Variants in AGAP3 observed in about 807,000 individuals in gnomAD.
AGAP3 encodes arf-GAP with GTPase, ANK repeat and PH domain-containing protein 3.
Under a neutral mutation model 96.9 loss-of-function variants are expected in AGAP3, and 24 were observed. The observed-to-expected ratio is 0.25, with a 90% confidence interval of 0.18 to 0.35. The LOEUF is 0.35. Ranked by LOEUF, AGAP3 falls within the 10% of genes least tolerant of loss-of-function variation. The probability of loss-of-function intolerance (pLI) is 1.00; values close to 1 mark genes in which losing one functional copy is unlikely to be tolerated. For missense variants in AGAP3, 876 were observed against 1,254.2 expected (o/e 0.70, Z 4.55); for synonymous variants, 563 against 536.1 (o/e 1.05, Z -0.69).
chr7:151,113,948 G>C (rs546233700), intron 1 of AGAP3, among the ~76,000 whole-genome samples: 1 of 152,286 alleles, frequency 6.6e-6, no homozygotes, highest in Non-Finnish European at 1.5e-5. Flanking sequence ...CCATCATCCC[G>C]ACAGGAGGTG....
chr7:151,125,854 G>A (rs1199080147), intron 9 of AGAP3, among the ~76,000 whole-genome samples: 1 of 152,348 alleles, frequency 6.6e-6, no homozygotes, highest in East Asian at 1.9e-4. Context: ...GGGAGGCGGC[G>A]GCGGGAACGG....
chr7:151,097,614 G>A (rs1013862901), intron 1 of AGAP3, among the ~76,000 whole-genome samples: 21 of 151,912 alleles, frequency 1.4e-4, no homozygotes, highest in African/African-American at 1.9e-4. Context: ...CTGTGCTTCC[G>A]GGGAGGCCTC....
At chr7:151,099,829 GT>G (rs1798766597) in intron 1 of AGAP3, among the ~76,000 whole-genome samples, 1 of 152,168 alleles carries the variant, frequency 6.6e-6, no homozygotes, top group African/African-American at 2.4e-5. Flanking sequence ...TTGTTTGTTT[GT>G]TTGTGTTTGT....
intron 10 of AGAP3, among the ~76,000 whole-genome samples, chr7:151,129,308 T>C (rs1031449050): frequency 1.3e-5 from 2 of 152,006 alleles, no homozygotes; most frequent in Admixed American, 1.3e-4. Flanking sequence ...AGTTCTCCTG[T>C]GAAGCCCCTC....
At position 151,138,193 on chromosome 7, in the gene AGAP3, A is replaced by G. The variant is rs745314569; in HGVS notation, c.1546A>G (p.Ser516Gly). 1.2e-6 allele frequency: 2 copies of G among 1,609,936 alleles called. No homozygotes were observed. Among genetic ancestry groups the G allele is most frequent in the Non-Finnish European group, 1.7e-6 (2 of 1,178,832 alleles). The change falls in exon 12 of 18, where the codon AGC becomes GGC. Residue 516 changes from serine to glycine, a missense_variant. Around this residue, in one of 8 missense-constraint regions of AGAP3, gnomAD observed 155 missense variants for 144.4 expected, o/e 1.07. Transcript: ENST00000397238. ...SASLHSERPL[S>G]SSAWAGPRPE... The stretch of plus-strand genomic sequence containing the variant: ...ATCCCTGCACTCTGAGCGCCCCCTC[A>G]GCAGCTCGGCCTGGGCTGGCCCGCG...
chr7:151,106,489 T>C (rs1227779725), intron 1 of AGAP3, among the ~76,000 whole-genome samples: 2 of 151,992 alleles, frequency 1.3e-5, no homozygotes, highest in Non-Finnish European at 2.9e-5. Flanking sequence ...GGTGCTTTTT[T>C]TTGTTTTTAA....
At chr7:151,127,809 G>T (rs1189472660) in intron 9 of AGAP3, among the ~76,000 whole-genome samples, 2 of 152,188 alleles carry the variant, frequency 1.3e-5, no homozygotes, top group Non-Finnish European at 2.9e-5. Context: ...TCCTAGTGGG[G>T]TCTACCTCCT....
Position 151,141,648 on chromosome 7 carries a change from T to C in AGAP3, c.1805-250T>C. The C allele has an allele frequency of 1.9e-6, 1 of 522,026 alleles. No homozygotes were observed. Among genetic ancestry groups the C allele is most frequent in the East Asian group, 3.3e-5 (1 of 30,116 alleles). The allele number at this position is 522,026 out of a possible 1,614,324, so 32.3% of individuals were successfully genotyped here. On this transcript the variant is annotated intron_variant, in intron 13 of 17. Coordinates refer to ENST00000397238, the MANE Select transcript of AGAP3 (RefSeq NM_031946.7). The surrounding 1 kb of genome is among the most constrained non-coding windows in gnomAD (Gnocchi z 4.2). The stretch of plus-strand genomic sequence containing the variant: ...GTGCCAGGGGTGCCAAGATCTTGCA[T>C]CCCCCATCTGTTTTCACTTAAGCTC...
chr7:151,108,315 C>T lies in AGAP3; in HGVS notation c.332-8478C>T, dbSNP rs115360402. 8.0e-3 allele frequency among the ~76,000 whole-genome samples: 1,224 copies of T among 152,294 alleles called. 15 individuals carry two copies. The highest frequency in any genetic ancestry group is 0.028 in the African/African-American group (1,147 of 41,574). ...TAGTACTACAATACCGCCATGTCAC[C>T]GGCCTGGTGTCGAAAGGCCATTTTC... On this transcript the variant is annotated intron_variant, in intron 1 of 17. Transcript: ENST00000397238. This position sits in a 1 kb window ranked among gnomAD's most constrained non-coding sequence, Gnocchi z 4.2.
intron 1 of AGAP3, chr7:151,115,633 C>T (rs1321900161): frequency 5.0e-5 from 58 of 1,168,438 alleles, no homozygotes; most frequent in Non-Finnish European, 2.1e-5. Context: ...CTCCTGCGCG[C>T]GCCCAGCGGT....
chr7:151,101,425 T>A (rs1338387379), intron 1 of AGAP3, among the ~76,000 whole-genome samples: 1 of 152,142 alleles, frequency 6.6e-6, no homozygotes, highest in East Asian at 1.9e-4. Context: ...CAGGTCTGTG[T>A]AGGAGCCTCT....
At chr7:151,123,771 A>G (rs752108971) in intron 8 of AGAP3, 23 bp from the exon 9 acceptor site, 2 of 1,612,348 alleles carry the variant, frequency 1.2e-6, no homozygotes, top group Non-Finnish European at 1.7e-6. Flanking sequence ...CCTCTTTAAC[A>G]CGCCTCTTGT....
At chr7:151,102,177 G>A (rs1423348597) in intron 1 of AGAP3, among the ~76,000 whole-genome samples, 3 of 152,224 alleles carry the variant, frequency 2.0e-5, no homozygotes, top group Non-Finnish European at 2.9e-5. Flanking sequence ...CTCAGAGCAT[G>A]TGCTGAGGGT....
In AGAP3 at chr7:151,133,005, G is replaced by A. The variant is rs1016519364; in HGVS notation, c.1327-1395G>A. On this transcript the variant is annotated intron_variant, in intron 10 of 17. Transcript: ENST00000397238. The surrounding 1 kb of genome is among the most constrained non-coding windows in gnomAD (Gnocchi z 5.4). ...GCAGTCTGATGGCCAGTGCGGTAAA[G>A]GTGAAGGCCGGGCTCCTCAGGGTAG... Among the ~76,000 whole-genome samples the A allele has an allele frequency of 6.6e-6, 1 of 152,218 alleles. No individual in the cohort carries two copies. The highest frequency in any genetic ancestry group is 1.5e-5 in the Non-Finnish European group (1 of 68,042).
chr7:151,131,764 C>T (rs1246639687), intron 10 of AGAP3, among the ~76,000 whole-genome samples: 1 of 152,196 alleles, frequency 6.6e-6, no homozygotes, highest in African/African-American at 2.4e-5. Flanking sequence ...TGAACAGAGT[C>T]CCCCCTGCAA....
Position 151,114,989 on chromosome 7 carries a change from C to A in AGAP3, c.332-1804C>A. The A allele has an allele frequency of 7.1e-6, 7 of 984,218 alleles. No homozygotes were observed. The highest frequency in any genetic ancestry group is 8.4e-6 in the Non-Finnish European group (7 of 831,230). The allele number at this position is 984,218 out of a possible 1,614,324, so 61.0% of individuals were successfully genotyped here. A position where few individuals can be genotyped will look rare whatever the true frequency, so the allele number is the denominator to read the frequency against. ...CGGAGCCGCCGCCCACCGGCGCCCGCGGCCTTTTGCTCGGCCTCCTGCGCC... is the reference window on the plus strand; with the variant it reads ...CGGAGCCGCCGCCCACCGGCGCCCGAGGCCTTTTGCTCGGCCTCCTGCGCC... On this transcript the variant is annotated intron_variant, in intron 1 of 17. Coordinates refer to ENST00000397238, the MANE Select transcript of AGAP3 (RefSeq NM_031946.7). The surrounding 1 kb of genome is among the most constrained non-coding windows in gnomAD (Gnocchi z 4.4).
intron 10 of AGAP3, among the ~76,000 whole-genome samples, chr7:151,131,765 C>T (rs972849666): frequency 6.6e-6 from 1 of 152,216 alleles, no homozygotes; most frequent in African/African-American, 2.4e-5. Flanking sequence ...GAACAGAGTC[C>T]CCCCTGCAAC....
rs779502070 is a variant in AGAP3, at chr7:151,134,605, C to G, written c.1495+37C>G. ...GCTGAGGTGGGGGCCTGGGGGGTGG[C>G]TGCCTTGGAGCCAAGGCAAGCAGGC... is the stretch of plus-strand genomic sequence containing the variant. On this transcript the variant is annotated intron_variant, in intron 11 of 17. Coordinates refer to ENST00000397238, the MANE Select transcript of AGAP3 (RefSeq NM_031946.7). 1.9e-6 allele frequency: 3 copies of G among 1,561,048 alleles called. No individual in the cohort carries two copies. The African/African-American group carries it at 4.1e-5, about 21-fold the overall frequency.
At chr7:151,127,203 C>A (rs756646419) in intron 9 of AGAP3, among the ~76,000 whole-genome samples, 4 of 152,304 alleles carry the variant, frequency 2.6e-5, no homozygotes, top group East Asian at 1.9e-4. Flanking sequence ...ATTTACCCCC[C>A]ACCCTTGGGC....
Sources: gnomAD v4.1 joint callset for allele counts (sites outside exome capture counted in the v4.1 genomes callset) on GRCh38, gnomAD v4.1.1 for gene constraint, gnomAD v4.1.1 regional missense constraint, Gnocchi (gnomAD v3.1) non-coding constraint, MANE v1.5 for transcripts, NCBI Gene and HGNC (gene_info 2026-07-23, HGNC 2026-07-21) for gene names.